Variants in OTOG observed in about 807,000 individuals in gnomAD.
OTOG encodes the protein otogelin.
In OTOG, 296 loss-of-function variants were observed where a neutral mutation model predicts 313.8. The observed-to-expected ratio is 0.94, with a 90% CI of 0.86 to 1.04. The LOEUF (loss-of-function observed/expected upper bound fraction) is 1.04. Among genes scored for constraint, OTOG ranks in the 50% least tolerant of loss-of-function variants. The pLI is 0.00. For missense variants in OTOG, 3,948 were observed against 3,840.1 expected, an observed-to-expected ratio of 1.03 and a Z score of -0.74; for synonymous variants, 1,533 against 1,554.9, an observed-to-expected ratio of 0.99 and a Z score of 0.33.
intron 20 of OTOG, among the ~76,000 whole-genome samples, chr11:17,575,889 G>A (rs540989538): frequency 2.0e-5 from 3 of 152,266 alleles, no homozygotes; most frequent in South Asian, 2.1e-4. Flanking sequence ...TTCGGCGTCC[G>A]GTCCATAACT....
chr11:17,609,611 C>A, intron 35 of OTOG, 44 bp from the exon 36 acceptor site: 2 of 1,437,752 alleles, frequency 1.4e-6, no homozygotes, highest in African/African-American at 2.9e-5. Flanking sequence ...ACCCCCGGGG[C>A]AGCAGTCACC....
chr11:17,598,566 G>A (rs1198609690), intron 30 of OTOG, among the ~76,000 whole-genome samples: 1 of 152,180 alleles, frequency 6.6e-6, no homozygotes, highest in Non-Finnish European at 1.5e-5. Context: ...GGCCCTGGCA[G>A]GTCTATGGGG....
intron 39 of OTOG, among the ~76,000 whole-genome samples, chr11:17,626,113 G>T (rs759705424): frequency 6.6e-6 from 1 of 152,142 alleles, no homozygotes; most frequent in African/African-American, 2.4e-5. Flanking sequence ...TTCACTGAAG[G>T]TGTATGAATT....
At chr11:17,595,261 C>A (rs1049076431) in intron 28 of OTOG, among the ~76,000 whole-genome samples, 4 of 152,136 alleles carry the variant, frequency 2.6e-5, no homozygotes, top group Non-Finnish European at 5.9e-5. Context: ...GGTGACTAAC[C>A]CTTGTTCTCC....
Position 17,594,719 on chromosome 11 carries a change from C to T in OTOG, c.3408+553C>T, listed in dbSNP as rs572515098. Among the ~76,000 whole-genome samples the T allele has an allele frequency of 3.9e-5, 6 of 152,318 alleles. 1 individual carries two copies. In the South Asian group the frequency reaches 1.2e-3, roughly 32 times the overall value. ...CTAACTGAGGCTGCCAATCTGTGAG[C>T]TGTGGGGGAAACAGCACTGAGTTGA... On this transcript the variant is annotated intron_variant, in intron 28 of 55. Coordinates refer to ENST00000399397, the MANE Select transcript of OTOG (RefSeq NM_001292063.2).
chr11:17,642,077 A>C, intron 52 of OTOG, 50 bp from the exon 53 acceptor site: 3 of 1,517,670 alleles, frequency 2.0e-6, no homozygotes, highest in Middle Eastern at 3.4e-4. Context: ...GGGTTTGCGC[A>C]GGCTGTCCAT....
intron 5 of OTOG, 72 bp from the exon 6 acceptor site, chr11:17,553,293 G>A: frequency 1.3e-6 from 2 of 1,514,502 alleles, no homozygotes; most frequent in Non-Finnish European, 1.8e-6. Flanking sequence ...CACTTCCAGG[G>A]CTGGAACCCA....
chr11:17,604,532 A>C (rs545297115), intron 32 of OTOG, among the ~76,000 whole-genome samples: 3 of 152,184 alleles, frequency 2.0e-5, no homozygotes, highest in Admixed American at 2.0e-4. Flanking sequence ...TGCCTCCCTC[A>C]TCCGCCGTCA....
intron 44 of OTOG, among the ~76,000 whole-genome samples, chr11:17,634,503 TC>T (rs1025513368): frequency 1.3e-5 from 2 of 151,662 alleles, no homozygotes; most frequent in African/African-American, 2.4e-5. Context: ...CCACTCTTCC[TC>T]CCCCACCTGT....
chr11:17,635,198 G>A lies in OTOG; in HGVS notation c.7693+11G>A, dbSNP rs976807214. 4.4e-5 allele frequency: 67 copies of A among 1,530,190 alleles called. No homozygotes were observed. Among genetic ancestry groups the A allele is most frequent in the African/African-American group, 2.5e-4 (18 of 72,596 alleles). The allele number at this position is 1,530,190 out of a possible 1,614,324, so 94.8% of individuals were successfully genotyped here. The stretch of plus-strand genomic sequence containing the variant: ...CCTCCTACTTCTGCGGTGGGTCGCC[G>A]CCACCAGACGCCAGCGCACACAGCC... On this transcript the variant is annotated intron_variant, in intron 46 of 55. Transcript: ENST00000399397.
At chr11:17,547,563 A>G (rs1851836391) in intron 1 of OTOG, 97 bp downstream of exon 1, 1 of 1,274,330 alleles carries the variant, frequency 7.8e-7, no homozygotes, top group Non-Finnish European at 9.9e-7. Context: ...GAGAGGGAGG[A>G]AAGAGAGGTT....
chr11:17,554,897 G>A lies in OTOG; in HGVS notation c.541-882G>A, dbSNP rs192094125. Among the ~76,000 whole-genome samples the A allele has an allele frequency of 6.9e-4, 105 of 152,278 alleles. 1 individual carries two copies. Among genetic ancestry groups the A allele is most frequent in the South Asian group, 2.9e-3 (14 of 4,824 alleles). The stretch of plus-strand genomic sequence containing the variant: ...AGAAAATATTGTAAGAGTGTATTAC[G>A]CATGATAGAGATAAGTATTATTTTG... On this transcript the variant is annotated intron_variant, in intron 6 of 55. Transcript: ENST00000399397.
chr11:17,616,202 G>A (rs1014923486), intron 39 of OTOG, among the ~76,000 whole-genome samples: 3 of 151,966 alleles, frequency 2.0e-5, no homozygotes, highest in African/African-American at 4.8e-5. Context: ...GACAACAAGT[G>A]TATGCCACCA....
intron 26 of OTOG, 116 bp from the exon 27 acceptor site, chr11:17,593,494 G>A (rs946824707): frequency 2.8e-6 from 4 of 1,447,756 alleles, no homozygotes; most frequent in Non-Finnish European, 3.7e-6. Context: ...GAACACAGAG[G>A]CCAATGTCAG....
chr11:17,574,598 G>C lies in OTOG; in HGVS notation c.2294-122G>C, dbSNP rs923358329. 5 of 1,009,694 alleles carry C rather than the reference G, an allele frequency of 5.0e-6. No individual in the cohort carries two copies. The Admixed American group carries it at 1.1e-4, about 22-fold the overall frequency. The allele number at this position is 1,009,694 out of a possible 1,614,324, so 62.5% of individuals were successfully genotyped here. A position where few individuals can be genotyped will look rare whatever the true frequency, so the allele number is the denominator to read the frequency against. On this transcript the variant is annotated intron_variant, in intron 19 of 55. Coordinates refer to ENST00000399397, the MANE Select transcript of OTOG (RefSeq NM_001292063.2). ...TGCCTCTGACCTTGACCTGCTGTGT[G>C]ACCTCAGACAAATGTCTGAACTTCT...
chr11:17,588,178 A>G (rs1852847739), intron 24 of OTOG, among the ~76,000 whole-genome samples: 2 of 152,150 alleles, frequency 1.3e-5, no homozygotes, highest in African/African-American at 4.8e-5. Flanking sequence ...AAACTAGGAG[A>G]TAGATGGGCA....
At position 17,602,320 on chromosome 11, in the gene OTOG, C is replaced by T. The variant is rs1853275767; in HGVS notation, c.3820C>T (p.Pro1274Ser). 1.3e-6 allele frequency: 2 copies of T among 1,550,566 alleles called. No homozygotes were observed. Among genetic ancestry groups the T allele is most frequent in the Non-Finnish European group, 1.7e-6 (2 of 1,146,958 alleles). Residue 1274 changes from proline (P) to serine (S), a missense_variant, in exon 32 of 56, where the codon CCA (proline) becomes TCA (serine). By Grantham distance (74) the Pro-to-Ser change is moderately conservative (BLOSUM62 -1). Coordinates refer to ENST00000399397, the MANE Select transcript of OTOG (RefSeq NM_001292063.2). ...CCTAGTGAGGACAGAGGATGTGGCG[C>T]CAGCAGACATTGTGAGCTTCCTGCT... ...IVLVRTEDVA[P>S]ADIVSFLLTA...
At chr11:17,641,142 C>T in intron 51 of OTOG, 51 bp downstream of exon 51, 2 of 1,494,594 alleles carry the variant, frequency 1.3e-6, no homozygotes, top group South Asian at 2.5e-5. Flanking sequence ...GCTTGCCTGG[C>T]AGACCTTGGG....
rs1853272246 is a variant in OTOG, at chr11:17,602,222, G to A, written c.3722G>A (p.Gly1241Asp). 1 of 1,550,360 alleles carries A rather than the reference G, an allele frequency of 6.5e-7. No homozygotes were observed. Among genetic ancestry groups the A allele is most frequent in the Non-Finnish European group, 8.7e-7 (1 of 1,146,940 alleles). ...CDFFNKVLGK[G>D]PYQLSSLAAG... ...CTCTTCTCTCCAGTGCTAGGTAAGGGCCCCTATCAGCTATCCAGCTTGGCA... is the reference window on the plus strand; with the variant it reads ...CTCTTCTCTCCAGTGCTAGGTAAGGACCCCTATCAGCTATCCAGCTTGGCA... Residue 1241 changes from glycine (G) to aspartate (D), a missense_variant, in exon 32 of 56, where the codon GGC becomes GAC. By Grantham distance (94) the Gly-to-Asp change is moderately conservative (BLOSUM62 -1). Transcript: ENST00000399397.
Sources: allele counts gnomAD v4.1 joint callset (sites outside exome capture counted in the v4.1 genomes callset), GRCh38; gene constraint gnomAD v4.1.1; transcripts MANE v1.5; gene names NCBI Gene and HGNC (gene_info 2026-07-23, HGNC 2026-07-21).